Variants in RABGAP1L observed in about 807,000 individuals in gnomAD.
RABGAP1L encodes rab GTPase-activating protein 1-like.
In RABGAP1L, 63 loss-of-function variants were observed where a neutral mutation model predicts 137.7. The ratio of observed to expected loss-of-function variants is 0.46; its 90% confidence interval spans 0.37 to 0.56. The LOEUF (loss-of-function observed/expected upper bound fraction) is 0.56, where lower values mean the gene tolerates loss of function less well. Ranked by LOEUF, RABGAP1L falls within the 20% of genes least tolerant of loss-of-function variation. The pLI is 0.00. For synonymous variants in RABGAP1L, 431 were observed against 433.7 expected, an observed-to-expected ratio of 0.99 and a Z score of 0.08; for missense variants, 1,095 against 1,244.0, an observed-to-expected ratio of 0.88 and a Z score of 1.80.
chr1:174,784,239 T>A (rs903658580), intron 18 of RABGAP1L, among the ~76,000 whole-genome samples: 2 of 152,018 alleles, frequency 1.3e-5, no homozygotes, highest in African/African-American at 4.8e-5. Flanking sequence ...CAGGATGGTC[T>A]TGATCTTCTG....
At chr1:174,620,564 T>G (rs1572553536) in intron 13 of RABGAP1L, among the ~76,000 whole-genome samples, 1 of 152,032 alleles carries the variant, frequency 6.6e-6, no homozygotes, top group South Asian at 2.1e-4. Context: ...AAGGCAGAAA[T>G]AAAGATGTTC....
At chr1:174,436,374 G>C (rs1382648458) in intron 13 of RABGAP1L, among the ~76,000 whole-genome samples, 5 of 152,140 alleles carry the variant, frequency 3.3e-5, no homozygotes, top group African/African-American at 1.2e-4. Flanking sequence ...GTATCTCATT[G>C]TGGTTTTGAT....
At chr1:174,854,540 G>T (rs1648919055) in intron 19 of RABGAP1L, among the ~76,000 whole-genome samples, 1 of 151,810 alleles carries the variant, frequency 6.6e-6, no homozygotes, top group East Asian at 1.9e-4. Flanking sequence ...CATCTCACTG[G>T]ATGATTATTA....
At chr1:174,279,594 A>G in intron 10 of RABGAP1L, among the ~76,000 whole-genome samples, 1 of 152,154 alleles carries the variant, frequency 6.6e-6, no homozygotes, top group Non-Finnish European at 1.5e-5. Flanking sequence ...AAAAACTGCC[A>G]TGGCGCATCT....
At chr1:174,327,544 A>G (rs987002250) in intron 11 of RABGAP1L, among the ~76,000 whole-genome samples, 6 of 152,066 alleles carry the variant, frequency 3.9e-5, no homozygotes, top group African/African-American at 1.4e-4. Context: ...TGATAGAGAA[A>G]ACCTCCTACC....
chr1:174,933,182 C>A (rs898691615), intron 19 of RABGAP1L, among the ~76,000 whole-genome samples: 4 of 152,138 alleles, frequency 2.6e-5, no homozygotes, highest in African/African-American at 9.7e-5. Context: ...ACCTGTATTT[C>A]TTCAACCCCA....
intron 13 of RABGAP1L, among the ~76,000 whole-genome samples, chr1:174,469,076 T>A (rs1027773275): frequency 6.6e-6 from 1 of 152,334 alleles, no homozygotes; most frequent in Admixed American, 6.5e-5. Context: ...GTTAAGTATA[T>A]GCTTATGTGT....
intron 19 of RABGAP1L, among the ~76,000 whole-genome samples, chr1:174,924,721 C>T (rs1021792723): frequency 1.3e-5 from 2 of 152,130 alleles, no homozygotes; most frequent in East Asian, 1.9e-4. Context: ...ATGGTGGCAA[C>T]TTATGATGAC....
At chr1:174,623,120 C>G (rs1672663588) in intron 13 of RABGAP1L, among the ~76,000 whole-genome samples, 1 of 152,074 alleles carries the variant, frequency 6.6e-6, no homozygotes, top group African/African-American at 2.4e-5. Flanking sequence ...TTTGGAGGTT[C>G]TACATTAAAG....
At position 174,371,489 on chromosome 1, in the gene RABGAP1L, G is replaced by A. The variant is rs961544652; in HGVS notation, c.1559+417G>A. ...TATAGTTTAGAATTTCTCATTTTAC[G>A]CTGATTGTTAACTGACACAGCTTGT... On this transcript the variant is annotated intron_variant, in intron 12 of 25. Transcript: ENST00000681986. Among the ~76,000 whole-genome samples, 16 of 151,858 alleles carry A rather than the reference G, an allele frequency of 1.1e-4. No homozygotes were observed. The East Asian group carries it at 1.9e-3, about 18-fold the overall frequency.
At chr1:174,882,850 G>C (rs1158326440) in intron 19 of RABGAP1L, among the ~76,000 whole-genome samples, 1 of 150,804 alleles carries the variant, frequency 6.6e-6, no homozygotes, top group Admixed American at 6.6e-5. Flanking sequence ...TTTGGAGACA[G>C]AGTGTGGCTC....
At chr1:174,314,846 G>T (rs1385915838) in intron 11 of RABGAP1L, among the ~76,000 whole-genome samples, 1 of 152,010 alleles carries the variant, frequency 6.6e-6, no homozygotes, top group African/African-American at 2.4e-5. Context: ...CACTGTGGTC[G>T]AGAAGATGCT....
intron 13 of RABGAP1L, among the ~76,000 whole-genome samples, chr1:174,619,168 T>G (rs1419967474): frequency 6.6e-6 from 1 of 152,118 alleles, no homozygotes; most frequent in East Asian, 1.9e-4. Flanking sequence ...GTGTGACAGG[T>G]GTACCTGAAA....
intron 13 of RABGAP1L, among the ~76,000 whole-genome samples, chr1:174,520,502 AATC>A (rs1301416740): frequency 2.0e-5 from 3 of 152,210 alleles, no homozygotes; most frequent in African/African-American, 7.2e-5. Flanking sequence ...CTTTCTCACT[AATC>A]ATTTCTTGAC....
intron 3 of RABGAP1L, among the ~76,000 whole-genome samples, chr1:174,227,475 A>G (rs532451079): frequency 1.3e-5 from 2 of 151,894 alleles, no homozygotes; most frequent in Non-Finnish European, 2.9e-5. Context: ...TGCTGGGATT[A>G]CAGGCATGAG....
intron 13 of RABGAP1L, among the ~76,000 whole-genome samples, chr1:174,426,095 T>C (rs1480037840): frequency 6.6e-6 from 1 of 152,116 alleles, no homozygotes; most frequent in Non-Finnish European, 1.5e-5. Flanking sequence ...GCCTATTTAA[T>C]ACCTTTACAC....
intron 4 of RABGAP1L, among the ~76,000 whole-genome samples, chr1:174,233,797 G>A (rs1670904678): frequency 7.7e-6 from 1 of 130,012 alleles, no homozygotes; most frequent in Admixed American, 7.3e-5. Flanking sequence ...GGGATGGCTG[G>A]GTCAAATGGT....
intron 19 of RABGAP1L, among the ~76,000 whole-genome samples, chr1:174,919,174 A>G (rs1305303506): frequency 6.6e-6 from 1 of 152,080 alleles, no homozygotes; most frequent in Non-Finnish European, 1.5e-5. Flanking sequence ...ATGCGCCGCC[A>G]TGTCCAGCTA....
At chr1:174,403,810 T>A (rs1648932269) in intron 13 of RABGAP1L, among the ~76,000 whole-genome samples, 1 of 151,966 alleles carries the variant, frequency 6.6e-6, no homozygotes, top group African/African-American at 2.4e-5. Flanking sequence ...TGGGATTTTT[T>A]TTTTTTTGGT....
Sources: allele counts gnomAD v4.1 joint callset (sites outside exome capture counted in the v4.1 genomes callset), GRCh38; gene constraint gnomAD v4.1.1; transcripts MANE v1.5; gene names NCBI Gene and HGNC (gene_info 2026-07-23, HGNC 2026-07-21).